Variants in SORCS1 observed in about 807,000 individuals in gnomAD.
The protein encoded by SORCS1 is sortilin related VPS10 domain containing receptor 1.
A neutral mutation model predicts 146.1 loss-of-function variants in SORCS1; 60 were observed. The ratio of observed to expected loss-of-function variants is 0.41; its 90% CI spans 0.33 to 0.51. The LOEUF (loss-of-function observed/expected upper bound fraction) is 0.51, where lower values mean the gene tolerates loss of function less well. SORCS1 is among the 20% of genes least tolerant of loss of function. The pLI, the probability that SORCS1 is intolerant of heterozygous loss-of-function variation, is 0.21. For missense variants in SORCS1, 1,352 were observed against 1,487.6 expected, an observed-to-expected ratio of 0.91 and a Z score of 1.50; for synonymous variants, 637 against 584.0, an observed-to-expected ratio of 1.09 and a Z score of -1.31.
At chr10:106,777,967 C>G (rs1860583632) in intron 3 of SORCS1, among the ~76,000 whole-genome samples, 2 of 152,138 alleles carry the variant, frequency 1.3e-5, no homozygotes, top group South Asian at 4.2e-4. Context: ...AGATTACCAG[C>G]TGAGGATGCT....
chr10:106,873,538 T>C (rs970762599), intron 2 of SORCS1, among the ~76,000 whole-genome samples: 2 of 152,166 alleles, frequency 1.3e-5, no homozygotes, highest in Non-Finnish European at 2.9e-5. Context: ...GACTTTCTGA[T>C]ACCATGGCCT....
chr10:106,860,015 A>G (rs1324316589), intron 2 of SORCS1, among the ~76,000 whole-genome samples: 1 of 152,160 alleles, frequency 6.6e-6, no homozygotes, highest in African/African-American at 2.4e-5. Context: ...AAAATTTCAC[A>G]TTTGGGTTTT....
chr10:106,955,906 T>C (rs1402691603), intron 2 of SORCS1, among the ~76,000 whole-genome samples: 1 of 152,122 alleles, frequency 6.6e-6, no homozygotes, highest in Non-Finnish European at 1.5e-5. Context: ...GGCCTGCAGA[T>C]CACCTGAGGT....
At chr10:106,863,007 A>G (rs185259985) in intron 2 of SORCS1, among the ~76,000 whole-genome samples, 489 of 152,284 alleles carry the variant, frequency 3.2e-3, no homozygotes, top group Non-Finnish European at 5.3e-3. Flanking sequence ...AAGTCTATCC[A>G]TTTTAGAATT....
intron 18 of SORCS1, among the ~76,000 whole-genome samples, chr10:106,637,918 C>A (rs1027553405): frequency 2.6e-5 from 4 of 152,176 alleles, no homozygotes; most frequent in Admixed American, 2.0e-4. Flanking sequence ...TCCCAAATTT[C>A]CCTTTTATGT....
intron 1 of SORCS1, among the ~76,000 whole-genome samples, chr10:107,098,327 G>A (rs1379901274): frequency 6.6e-6 from 1 of 152,174 alleles, no homozygotes; most frequent in Non-Finnish European, 1.5e-5. Context: ...TCACTTAGTA[G>A]ACAATAAGAG....
In SORCS1 at chr10:106,930,282, TA is replaced by T. The variant is rs1209772580; in HGVS notation, c.626+26230del. 1.1e-3 allele frequency among the ~76,000 whole-genome samples: 145 copies of T among 135,644 alleles called. 4 individuals carry two copies. In the East Asian group the frequency reaches 0.011, roughly 10 times the overall value. The allele number at this position is 135,644 out of a possible 152,430, so 89.0% of individuals were successfully genotyped here. On this transcript the variant is annotated intron_variant, in intron 2 of 25. Transcript: ENST00000263054. ...GGGCGACAGAGCGAGACTCTGTCTC[TA>T]AAAAAAAAAAACAAAAAAACAAAAA... is the stretch of plus-strand genomic sequence containing the variant.
intron 17 of SORCS1, among the ~76,000 whole-genome samples, chr10:106,666,730 T>C (rs1851186084): frequency 6.6e-6 from 1 of 151,672 alleles, no homozygotes; most frequent in Admixed American, 6.6e-5. Flanking sequence ...TTAATTTTTT[T>C]TTTTTTTGTA....
At chr10:106,814,855 C>A (rs1410375063) in intron 3 of SORCS1, among the ~76,000 whole-genome samples, 13 of 124,556 alleles carry the variant, frequency 1.0e-4, no homozygotes, top group African/African-American at 4.1e-4. Context: ...GCGGAGCTTG[C>A]AGTGAGCCCA....
At chr10:106,905,483 C>T (rs1411315565) in intron 2 of SORCS1, among the ~76,000 whole-genome samples, 1 of 152,044 alleles carries the variant, frequency 6.6e-6, no homozygotes, top group Non-Finnish European at 1.5e-5. Flanking sequence ...ATTCTTGTCC[C>T]ATAATTAGAA....
At chr10:106,824,511 C>G (rs1211334016) in intron 3 of SORCS1, among the ~76,000 whole-genome samples, 2 of 151,344 alleles carry the variant, frequency 1.3e-5, no homozygotes, top group East Asian at 3.9e-4. Flanking sequence ...ATTTTTTGAA[C>G]CCGGGAGGCG....
At chr10:106,730,139 G>T (rs372406827) in intron 5 of SORCS1, 25 bp from the exon 6 acceptor site, 2 of 1,612,758 alleles carry the variant, frequency 1.2e-6, no homozygotes, top group East Asian at 4.5e-5. Flanking sequence ...AACATGAAAA[G>T]AAACATCCAT....
At chr10:106,648,430 C>T (rs913926877) in intron 18 of SORCS1, among the ~76,000 whole-genome samples, 4 of 152,244 alleles carry the variant, frequency 2.6e-5, no homozygotes, top group South Asian at 2.1e-4. Context: ...CCACTTAATT[C>T]GCTCCACATA....
At chr10:106,966,074 G>A (rs719966) in intron 1 of SORCS1, among the ~76,000 whole-genome samples, 12,287 of 152,212 alleles carry the variant, frequency 0.081, 1,220 homozygotes, top group East Asian at 0.29. Flanking sequence ...CCGGATCAGG[G>A]GTTCCTGACA....
At chr10:107,107,830 T>C (rs555398882) in intron 1 of SORCS1, among the ~76,000 whole-genome samples, 4 of 152,164 alleles carry the variant, frequency 2.6e-5, no homozygotes, top group Non-Finnish European at 5.9e-5. Context: ...CCCCATTTTC[T>C]CTTGGTCTTA....
At chr10:107,006,613 C>T (rs948029896) in intron 1 of SORCS1, among the ~76,000 whole-genome samples, 1 of 152,120 alleles carries the variant, frequency 6.6e-6, no homozygotes, top group Non-Finnish European at 1.5e-5. Flanking sequence ...GTCAGGAGAT[C>T]GAGACCATCC....
At chr10:106,639,237 G>C (rs1250232333) in intron 18 of SORCS1, among the ~76,000 whole-genome samples, 1 of 152,198 alleles carries the variant, frequency 6.6e-6, no homozygotes, top group African/African-American at 2.4e-5. Flanking sequence ...CCCTGATTCA[G>C]GGGTAGTGAC....
chr10:106,907,695 G>T (rs1243246035), intron 2 of SORCS1, among the ~76,000 whole-genome samples: 1 of 152,106 alleles, frequency 6.6e-6, no homozygotes, highest in African/African-American at 2.4e-5. Flanking sequence ...GGGAGGCCGA[G>T]GAGGGTGGAT....
intron 3 of SORCS1, among the ~76,000 whole-genome samples, chr10:106,809,572 C>A (rs1472021674): frequency 6.6e-6 from 1 of 152,136 alleles, no homozygotes; most frequent in Non-Finnish European, 1.5e-5. Flanking sequence ...GAAGGCTGAG[C>A]TCCTGAGTAC....
Sources: allele counts gnomAD v4.1 joint callset (sites outside exome capture counted in the v4.1 genomes callset), GRCh38; gene constraint gnomAD v4.1.1; transcripts MANE v1.5; gene names NCBI Gene and HGNC (gene_info 2026-07-23, HGNC 2026-07-21).